Variants in ITGB1 observed in about 807,000 individuals in gnomAD.
The protein encoded by ITGB1 is integrin beta-1.
In ITGB1, 24 loss-of-function variants were observed where a neutral mutation model predicts 86.5. The ratio of observed to expected loss-of-function variants is 0.28; its 90% CI spans 0.20 to 0.39. The LOEUF is 0.39. Among genes scored for constraint, ITGB1 ranks in the 10% least tolerant of loss-of-function variants. The pLI is 1.00. For missense variants in ITGB1, 556 were observed against 946.9 expected, an observed-to-expected ratio of 0.59 and a Z score of 5.42; for synonymous variants, 323 against 316.8, an observed-to-expected ratio of 1.02 and a Z score of -0.21.
chr10:32,939,893 C>A (rs944943248), intron 1 of ITGB1, among the ~76,000 whole-genome samples: 3 of 152,186 alleles, frequency 2.0e-5, no homozygotes, highest in Non-Finnish European at 4.4e-5. Flanking sequence ...TGCCCTGGGT[C>A]AGGATCATCA....
At chr10:32,925,488 G>C (rs1479204889) in intron 6 of ITGB1, among the ~76,000 whole-genome samples, 1 of 152,160 alleles carries the variant, frequency 6.6e-6, no homozygotes, top group Non-Finnish European at 1.5e-5. Flanking sequence ...GCAATTTCAA[G>C]GTTCCTGGTG....
intron 1 of ITGB1, among the ~76,000 whole-genome samples, chr10:32,937,998 T>C (rs1008210438): frequency 2.6e-5 from 4 of 152,226 alleles, no homozygotes; most frequent in African/African-American, 9.6e-5. Flanking sequence ...GAGTTAAGCG[T>C]AACGTGAAAA....
intron 11 of ITGB1, among the ~76,000 whole-genome samples, chr10:32,915,962 C>G (rs545773235): frequency 7.9e-5 from 12 of 152,278 alleles, no homozygotes; most frequent in African/African-American, 2.6e-4. Context: ...AAAGCTTATC[C>G]ACCACAATCA....
intron 3 of ITGB1, 157 bp downstream of exon 3, chr10:32,932,358 C>T: frequency 2.0e-6 from 1 of 500,570 alleles, no homozygotes; most frequent in Non-Finnish European, 3.6e-6. Context: ...GCCACATCTG[C>T]CTAGTGGCTA....
intron 1 of ITGB1, among the ~76,000 whole-genome samples, chr10:32,953,274 C>A (rs999622992): frequency 6.6e-6 from 1 of 152,216 alleles, no homozygotes; most frequent in African/African-American, 2.4e-5. Flanking sequence ...GTATAAAACA[C>A]TCTTTGGTAT....
At chr10:32,941,043 G>A (rs1435087711) in intron 1 of ITGB1, among the ~76,000 whole-genome samples, 2 of 152,282 alleles carry the variant, frequency 1.3e-5, no homozygotes, top group East Asian at 1.9e-4. Flanking sequence ...GTGCACTGAG[G>A]ACACTGAAAT....
chr10:32,923,346 T>C (rs556956911), intron 7 of ITGB1, among the ~76,000 whole-genome samples: 8 of 152,320 alleles, frequency 5.3e-5, no homozygotes, highest in Middle Eastern at 3.4e-3. Context: ...AAGTGGCATC[T>C]GGGCATCCCT....
At chr10:32,950,386 G>A (rs936542167) in intron 1 of ITGB1, among the ~76,000 whole-genome samples, 6 of 152,114 alleles carry the variant, frequency 3.9e-5, no homozygotes. Flanking sequence ...GTGGAGATGA[G>A]TTCCTCCCAT....
intron 1 of ITGB1, among the ~76,000 whole-genome samples, chr10:32,956,036 C>T (rs1307410848): frequency 6.6e-6 from 1 of 152,180 alleles, no homozygotes; most frequent in Non-Finnish European, 1.5e-5. Context: ...AACTAGCATT[C>T]TAATAACATC....
intron 10 of ITGB1, 26 bp from the exon 11 acceptor site, chr10:32,920,110 A>T: frequency 6.3e-7 from 1 of 1,588,990 alleles, no homozygotes; most frequent in Non-Finnish European, 8.6e-7. Context: ...AAGATTAACA[A>T]CCAACTAAAC....
intron 5 of ITGB1, 71 bp downstream of exon 5, chr10:32,928,023 A>C (rs2094970800): frequency 2.2e-6 from 2 of 902,904 alleles, no homozygotes; most frequent in South Asian, 4.0e-5. Flanking sequence ...CAAAGGAATA[A>C]AATATAAAAC....
At chr10:32,915,673 T>C (rs1453139140) in intron 11 of ITGB1, among the ~76,000 whole-genome samples, 1 of 152,130 alleles carries the variant, frequency 6.6e-6, no homozygotes, top group East Asian at 1.9e-4. Context: ...CAATAATTAA[T>C]AGCCTACCAA....
intron 1 of ITGB1, among the ~76,000 whole-genome samples, chr10:32,937,135 T>C (rs1244244742): frequency 6.6e-6 from 1 of 152,152 alleles, no homozygotes; most frequent in Non-Finnish European, 1.5e-5. Flanking sequence ...TACACACACA[T>C]TCAGTATAGT....
Position 32,911,447 on chromosome 10 carries a change from C to T in ITGB1, c.1931+1G>A. The T allele has an allele frequency of 6.2e-7, 1 of 1,613,534 alleles. No individual in the cohort carries two copies. On this transcript the variant is annotated splice_donor_variant, in intron 13 of 15. Transcript: ENST00000302278. LOFTEE classifies it high-confidence loss of function. Reference sequence around the variant, plus strand: ...ATTTCAAGCAATTAGGAAATACTTACTTATGCTCAGCACAGACACCAAGGC... The same window carrying T: ...ATTTCAAGCAATTAGGAAATACTTATTTATGCTCAGCACAGACACCAAGGC...
At chr10:32,915,335 T>C (rs1279029328) in intron 11 of ITGB1, among the ~76,000 whole-genome samples, 4 of 152,000 alleles carry the variant, frequency 2.6e-5, no homozygotes, top group African/African-American at 4.8e-5. Context: ...CTGAAGGAGA[T>C]AGAGACATAA....
chr10:32,948,160 C>T (rs764120143), intron 1 of ITGB1, among the ~76,000 whole-genome samples: 2 of 152,138 alleles, frequency 1.3e-5, no homozygotes, highest in Admixed American at 1.3e-4. Context: ...GCTGTTCATA[C>T]ACTGACATCC....
At chr10:32,938,095 C>T (rs1490790805) in intron 1 of ITGB1, among the ~76,000 whole-genome samples, 1 of 152,186 alleles carries the variant, frequency 6.6e-6, no homozygotes, top group Non-Finnish European at 1.5e-5. Context: ...GTGACTGTAT[C>T]CAAGAGACCA....
intron 1 of ITGB1, among the ~76,000 whole-genome samples, chr10:32,942,472 T>A (rs750833971): frequency 5.9e-5 from 9 of 152,182 alleles, no homozygotes; most frequent in Non-Finnish European, 7.3e-5. Flanking sequence ...TAACATGTCT[T>A]CCCTGATGGA....
chr10:32,953,997 C>A (rs977517151), intron 1 of ITGB1, among the ~76,000 whole-genome samples: 2 of 152,136 alleles, frequency 1.3e-5, no homozygotes, highest in African/African-American at 2.4e-5. Context: ...TCCTCCACCC[C>A]CCCTTGACTA....
Sources: allele counts gnomAD v4.1 joint callset (sites outside exome capture counted in the v4.1 genomes callset), GRCh38; gene constraint gnomAD v4.1.1; transcripts MANE v1.5; gene names NCBI Gene and HGNC (gene_info 2026-07-23, HGNC 2026-07-21).